CREB3L3: variants seen among roughly 807,000 people sequenced by gnomAD.
CREB3L3 encodes the protein cAMP responsive element binding protein 3 like 3, also known as cyclic AMP-responsive element-binding protein 3-like protein 3.
A neutral mutation model predicts 44.6 loss-of-function variants in CREB3L3; 40 were observed. The ratio of observed to expected loss-of-function variants is 0.90; its 90% CI spans 0.70 to 1.17. The LOEUF is 1.17. CREB3L3 is among the 50% of genes most tolerant of loss of function. The probability of loss-of-function intolerance (pLI) is 0.00; values close to 1 mark genes in which losing one functional copy is unlikely to be tolerated. For synonymous variants in CREB3L3, 273 were observed against 256.3 expected (o/e 1.06, Z -0.62); for missense variants, 578 against 595.8 (o/e 0.97, Z 0.31).
chr19:4,164,727 A>G (rs770481135), intron 5 of CREB3L3, 87 bp downstream of exon 5: 24 of 1,464,620 alleles, frequency 1.6e-5, no homozygotes, highest in Non-Finnish European at 2.3e-5. Flanking sequence ...TTATTTATTT[A>G]GAGTAGAGTC....
In CREB3L3 at chr19:4,170,152, C is replaced by T. The variant is rs1228037672; in HGVS notation, c.834C>T (p.Cys278=). Residue 278 remains cysteine, a synonymous_variant, in exon 7 of 10, where the codon TGC becomes TGT. Transcript: ENST00000078445. ...IDGLETRMSA[C]TAQNQELQRK... The stretch of plus-strand genomic sequence containing the variant: ...TTCCTCCTTTCAGGATGTCAGCTTG[C>T]ACTGCTCAGAATCAGGAGTTACAGA... The T allele has an allele frequency of 9.9e-6, 16 of 1,613,962 alleles. No individual in the cohort carries two copies. The highest frequency in any genetic ancestry group is 1.3e-5 in the African/African-American group (1 of 74,916).
At chr19:4,168,091 C>T (rs142917191) in intron 5 of CREB3L3, among the ~76,000 whole-genome samples, 2,174 of 151,598 alleles carry the variant, frequency 0.014, 28 homozygotes, top group Non-Finnish European at 0.022. Flanking sequence ...CTCCGCCTCC[C>T]GGGTTCATGC....
chr19:4,161,592 A>G (rs2041663448), intron 4 of CREB3L3, among the ~76,000 whole-genome samples: 1 of 150,280 alleles, frequency 6.7e-6, no homozygotes. Flanking sequence ...CGCTCCCATA[A>G]GCCAGGTTTG....
Position 4,171,588 on chromosome 19 carries a change from G to T in CREB3L3, c.1073-68G>T. The T allele has an allele frequency of 6.3e-7, 1 of 1,599,890 alleles. No individual in the cohort carries two copies. The highest frequency in any genetic ancestry group is 1.1e-5 in the South Asian group (1 of 90,818). Reference sequence around the variant, plus strand: ...TGTGCCCTTGTTCCCTGAGGCTGGGGGCCAGGGAAGGGAGCATAGGACCCC... The same window carrying T: ...TGTGCCCTTGTTCCCTGAGGCTGGGTGCCAGGGAAGGGAGCATAGGACCCC... On this transcript the variant is annotated intron_variant, in intron 9 of 9. Transcript: ENST00000078445. This position sits in a 1 kb window ranked among gnomAD's most constrained non-coding sequence, Gnocchi z 4.9.
intron 4 of CREB3L3, among the ~76,000 whole-genome samples, chr19:4,162,252 C>T (rs918792249): frequency 2.0e-5 from 3 of 151,964 alleles, no homozygotes; most frequent in East Asian, 1.9e-4. Flanking sequence ...GTGATCCACC[C>T]GCCTCAGCCT....
chr19:4,159,286 G>C (rs1599333782), intron 3 of CREB3L3, among the ~76,000 whole-genome samples: 1 of 152,110 alleles, frequency 6.6e-6, no homozygotes, highest in South Asian at 2.1e-4. Flanking sequence ...GAGCAGCTGG[G>C]ATTACAGGTG....
chr19:4,156,715 G>A (rs1036107352), intron 2 of CREB3L3, among the ~76,000 whole-genome samples: 3 of 143,874 alleles, frequency 2.1e-5, no homozygotes, highest in African/African-American at 7.8e-5. Flanking sequence ...TTGGCCAGGC[G>A]GATCTCGAAC....
intron 5 of CREB3L3, among the ~76,000 whole-genome samples, chr19:4,165,900 C>T (rs1966895333): frequency 6.6e-6 from 1 of 151,906 alleles, no homozygotes; most frequent in Non-Finnish European, 1.5e-5. Context: ...AACAAAAAAA[C>T]TAAAAACATA....
At chr19:4,166,420 AAT>A (rs1491536081) in intron 5 of CREB3L3, among the ~76,000 whole-genome samples, 1 of 107,770 alleles carries the variant, frequency 9.3e-6, no homozygotes. Context: ...ACGCCTGGCT[AAT>A]TTTTTTTTTT....
Position 4,157,013 on chromosome 19 carries a change from G to A in CREB3L3, c.175G>A (p.Asp59Asn), listed in dbSNP as rs761133829. The A allele has an allele frequency of 1.3e-5, 21 of 1,613,764 alleles. No individual in the cohort carries two copies. Among genetic ancestry groups the A allele is most frequent in the East Asian group, 2.2e-5 (1 of 44,884 alleles). ...VKDQQVLPNP[D>N]SDDFLSSILG... ...ACCCCAGCAGGTCCTGCCAAACCCC[G>A]ACTCTGACGACTTCCTCAGCTCCAT... The change falls in exon 3 of 10, where the codon GAC becomes AAC. Residue 59 changes from aspartate to asparagine, a missense_variant. Transcript: ENST00000078445.
At position 4,172,667 on chromosome 19, in the gene CREB3L3, A is replaced by C; in HGVS notation, c.*698A>C. On this transcript the variant is annotated 3_prime_UTR_variant, in exon 10 of 10. Coordinates refer to ENST00000078445, the MANE Select transcript of CREB3L3 (RefSeq NM_032607.3). ...CACAGCCTGAAACAGACCCGGACAGACAGACAGACACAGCCTGAAACAGAC... is the reference window on the plus strand; with the variant it reads ...CACAGCCTGAAACAGACCCGGACAGCCAGACAGACACAGCCTGAAACAGAC... 1 of 234,456 alleles carries C rather than the reference A, an allele frequency of 4.3e-6. No individual in the cohort carries two copies. 14.5% of individuals were successfully genotyped at this position (234,456 alleles called of 1,614,324 possible). A position where few individuals can be genotyped will look rare whatever the true frequency, so the allele number is the denominator to read the frequency against.
In CREB3L3 at chr19:4,171,245, A is replaced by G. The variant is rs1967039471; in HGVS notation, c.975+70A>G. 1 of 1,492,866 alleles carries G rather than the reference A, an allele frequency of 6.7e-7. No individual in the cohort carries two copies. Among genetic ancestry groups the G allele is most frequent in the East Asian group, 2.3e-5 (1 of 44,072 alleles). The allele number at this position is 1,492,866 out of a possible 1,614,324, so 92.5% of individuals were successfully genotyped here. On this transcript the variant is annotated intron_variant, in intron 8 of 9. Transcript: ENST00000078445. The surrounding 1 kb of genome is among the most constrained non-coding windows in gnomAD (Gnocchi z 4.9). ...TAGAGGGGCCCATAGGGAGGTGACAATGAGTCCAAGCTCTCCTTGTGCCCC... is the reference window on the plus strand; with the variant it reads ...TAGAGGGGCCCATAGGGAGGTGACAGTGAGTCCAAGCTCTCCTTGTGCCCC...
chr19:4,166,809 C>T (rs1966916023), intron 5 of CREB3L3, among the ~76,000 whole-genome samples: 2 of 152,024 alleles, frequency 1.3e-5, no homozygotes, highest in African/African-American at 4.8e-5. Flanking sequence ...ACCTTGAACT[C>T]CTGGTCTCAA....
intron 3 of CREB3L3, among the ~76,000 whole-genome samples, chr19:4,158,315 T>A (rs1290237748): frequency 2.0e-5 from 3 of 151,264 alleles, no homozygotes; most frequent in African/African-American, 7.3e-5. Context: ...CTGGCCAACA[T>A]GGTGAAACCC....
At chr19:4,156,927 G>T in intron 2 of CREB3L3, 68 bp from the exon 3 acceptor site, 1 of 1,542,192 alleles carries the variant, frequency 6.5e-7, no homozygotes. Flanking sequence ...GGTTTCCCTG[G>T]GGCCACACAC....
In CREB3L3 at chr19:4,155,009, G is replaced by C; in HGVS notation, c.138G>C (p.Trp46Cys). Reference sequence around the variant, plus strand: ...GACACGTGGAGCTGGGCGAGGGCTGGGGTCACGTCAAGGACCAGGTGAGGA... The same window carrying C: ...GACACGTGGAGCTGGGCGAGGGCTGCGGTCACGTCAAGGACCAGGTGAGGA... Reference protein sequence around the residue: ...ILRHVELGEGWGHVKDQQVLP... With the variant: ...ILRHVELGEGCGHVKDQQVLP... Residue 46 changes from tryptophan (W) to cysteine (C), a missense_variant, in exon 2 of 10, where the codon TGG becomes TGC. Physicochemically the swap from Trp to Cys is radical, Grantham distance 215. Coordinates refer to ENST00000078445, the MANE Select transcript of CREB3L3 (RefSeq NM_032607.3). The C allele has an allele frequency of 6.2e-7, 1 of 1,609,588 alleles. No individual in the cohort carries two copies. The highest frequency in any genetic ancestry group is 8.5e-7 in the Non-Finnish European group (1 of 1,179,992).
intron 4 of CREB3L3, 100 bp from the exon 5 acceptor site, chr19:4,164,403 C>G (rs563028166): frequency 8.2e-5 from 121 of 1,482,426 alleles, no homozygotes; most frequent in Non-Finnish European, 1.1e-4. Context: ...CCACCACACC[C>G]AGCCTGGGGT....
chr19:4,161,171 C>T (rs1181377824), intron 4 of CREB3L3, among the ~76,000 whole-genome samples: 1 of 152,076 alleles, frequency 6.6e-6, no homozygotes, highest in Non-Finnish European at 1.5e-5. Flanking sequence ...ATCATGTTAG[C>T]CAGGATGGTC....
Position 4,171,220 on chromosome 19 carries a change from T to G in CREB3L3, c.975+45T>G. On this transcript the variant is annotated intron_variant, in intron 8 of 9. Transcript: ENST00000078445. The surrounding 1 kb of genome is among the most constrained non-coding windows in gnomAD (Gnocchi z 4.9). ...GGCAAGCCGGGGACCTAGGCTTCTGTAGAGGGGCCCATAGGGAGGTGACAA... is the reference window on the plus strand; with the variant it reads ...GGCAAGCCGGGGACCTAGGCTTCTGGAGAGGGGCCCATAGGGAGGTGACAA... 6.4e-7 allele frequency: 1 copy of G among 1,557,282 alleles called. No homozygotes were observed. The highest frequency in any genetic ancestry group is 2.2e-5 in the East Asian group (1 of 44,580).
Sources: gnomAD v4.1 joint callset for allele counts (sites outside exome capture counted in the v4.1 genomes callset) on GRCh38, gnomAD v4.1.1 for gene constraint, Gnocchi (gnomAD v3.1) non-coding constraint, MANE v1.5 for transcripts, NCBI Gene and HGNC (gene_info 2026-07-23, HGNC 2026-07-21) for gene names.